Variants in QTGAL observed in about 807,000 individuals in gnomAD.
QTGAL encodes the protein queuosine-tRNA galactosyltransferase.
the QTGAL span, among the ~76,000 whole-genome samples, chr17:82,969,545 C>T: frequency 2.1e-3 from 318 of 152,242 alleles, 2 homozygotes; most frequent in African/African-American, 7.0e-3. Context: ...GTGGTGCACG[C>T]GCCAGTGGTC....
the QTGAL span, among the ~76,000 whole-genome samples, chr17:83,039,062 A>T: frequency 2.6e-5 from 4 of 152,208 alleles, no homozygotes; most frequent in African/African-American, 7.2e-5. Flanking sequence ...GATGATGATG[A>T]CAGCAATGAT....
chr17:82,978,949 A>G, the QTGAL span: 2 of 152,238 alleles, frequency 1.3e-5, no homozygotes, highest in African/African-American at 4.8e-5. The surrounding 1 kb of genome is among the most constrained non-coding windows in gnomAD (Gnocchi z 4.8). Flanking sequence ...ATGGAAGTAC[A>G]TTGAAAACCT....
chr17:82,956,579 A>C, the QTGAL span: 31 of 1,193,124 alleles, frequency 2.6e-5, 1 homozygote, highest in South Asian at 4.9e-4. This position sits in a 1 kb window ranked among gnomAD's most constrained non-coding sequence, Gnocchi z 5.7. Flanking sequence ...CCCCATGCCC[A>C]CCATCGGCTG....
the QTGAL span, among the ~76,000 whole-genome samples, chr17:82,973,902 GGAGA>G: frequency 6.6e-6 from 1 of 152,194 alleles, no homozygotes; most frequent in South Asian, 2.1e-4. Context: ...CGTGTGGACA[GGAGA>G]GAGTGGCAGA....
At chr17:83,035,180 T>G in the QTGAL span, 2 of 1,246,700 alleles carry the variant, frequency 1.6e-6, no homozygotes, top group East Asian at 2.5e-5. Context: ...GTATATGATA[T>G]TCTTTTTTTT....
chr17:83,051,710 C>A, the QTGAL span: 2 of 1,473,144 alleles, frequency 1.4e-6, no homozygotes, highest in African/African-American at 1.5e-5. Context: ...GCCTGCACGG[C>A]GGGGCACCCT....
the QTGAL span, among the ~76,000 whole-genome samples, chr17:83,025,792 C>T: frequency 2.6e-5 from 4 of 152,332 alleles, no homozygotes; most frequent in African/African-American, 4.8e-5. Flanking sequence ...GTTTCTCCGA[C>T]GGCACCACTG....
the QTGAL span, among the ~76,000 whole-genome samples, chr17:83,038,358 T>C: frequency 6.6e-6 from 1 of 152,302 alleles, no homozygotes; most frequent in Non-Finnish European, 1.5e-5. Context: ...TTACAACGGA[T>C]TGTTTTTATT....
chr17:82,993,137 A>C, the QTGAL span, among the ~76,000 whole-genome samples: 1 of 152,182 alleles, frequency 6.6e-6, no homozygotes, highest in Non-Finnish European at 1.5e-5. Flanking sequence ...GTAACATTAA[A>C]TGTAAGTGGA....
chr17:83,034,522 T>C, the QTGAL span, among the ~76,000 whole-genome samples: 4 of 149,024 alleles, frequency 2.7e-5, no homozygotes, highest in Admixed American at 7.8e-5. Context: ...AATTAATAAC[T>C]GATAAGGTTG....
At chr17:83,051,670 G>C in the QTGAL span, 2 of 1,367,120 alleles carry the variant, frequency 1.5e-6, no homozygotes, top group Non-Finnish European at 1.9e-6. Context: ...GAGAGGACTG[G>C]AGGGCGGGGT....
the QTGAL span, among the ~76,000 whole-genome samples, chr17:83,010,778 G>A: frequency 2.6e-5 from 4 of 152,258 alleles, no homozygotes; most frequent in African/African-American, 9.6e-5. Flanking sequence ...CACAGGCAAG[G>A]AGCGGGGAAC....
chr17:83,029,770 A>G, the QTGAL span, among the ~76,000 whole-genome samples: 1 of 152,110 alleles, frequency 6.6e-6, no homozygotes, highest in South Asian at 2.1e-4. Flanking sequence ...GGAAAATGCA[A>G]CTTAGCTCCC....
the QTGAL span, chr17:82,957,530 G>A: frequency 3.2e-6 from 5 of 1,572,734 alleles, no homozygotes; most frequent in Non-Finnish European, 4.3e-6. Flanking sequence ...CAGGCCGGAG[G>A]CCCCACAGAT....
chr17:82,984,357 G>A, the QTGAL span, among the ~76,000 whole-genome samples: 1 of 147,588 alleles, frequency 6.8e-6, no homozygotes, highest in African/African-American at 2.5e-5. Flanking sequence ...GGCCACAGAA[G>A]GACGCAGGGA....
chr17:83,031,947 C>T, the QTGAL span, among the ~76,000 whole-genome samples: 1 of 152,268 alleles, frequency 6.6e-6, no homozygotes. Context: ...CACAGAGCAG[C>T]CAGCACCCGG....
chr17:82,957,378 G>T, the QTGAL span: 1 of 1,613,162 alleles, frequency 6.2e-7, no homozygotes, highest in East Asian at 2.2e-5. Flanking sequence ...GCTGCCGGCA[G>T]TCAAGCTGCG....
At chr17:82,990,417 G>A in the QTGAL span, among the ~76,000 whole-genome samples, 8 of 152,266 alleles carry the variant, frequency 5.3e-5, no homozygotes, top group East Asian at 1.9e-4. Context: ...ACTCGCCATC[G>A]TAGGCAAGAG....
chr17:83,006,461 C>T, the QTGAL span: 1 of 984,754 alleles, frequency 1.0e-6, no homozygotes. This position sits in a 1 kb window ranked among gnomAD's most constrained non-coding sequence, Gnocchi z 5.8. Flanking sequence ...CTGTGCCCTT[C>T]ACCACTTCCT....
Sources: allele counts gnomAD v4.1 joint callset (sites outside exome capture counted in the v4.1 genomes callset), GRCh38; gene constraint gnomAD v4.1.1; non-coding constraint Gnocchi (gnomAD v3.1); transcripts MANE v1.5; gene names NCBI Gene and HGNC (gene_info 2026-07-23, HGNC 2026-07-21).